The following CBFA2T3 variants were observed in gnomAD, a reference collection of about 807,000 sequenced individuals.
CBFA2T3 encodes CBFA2/RUNX1 partner transcriptional co-repressor 3.
CBFA2T3 carries 31 observed loss-of-function variants against 58.6 expected under a neutral mutation model. The ratio of observed to expected loss-of-function variants is 0.53; its 90% CI spans 0.40 to 0.71. The LOEUF (loss-of-function observed/expected upper bound fraction) is 0.71, where lower values mean the gene tolerates loss of function less well. Among genes scored for constraint, CBFA2T3 ranks in the 30% least tolerant of loss-of-function variants. CBFA2T3 has a pLI of 0.00. For synonymous variants in CBFA2T3, 531 were observed against 421.9 expected, an observed-to-expected ratio of 1.26 and a Z score of -3.17; for missense variants, 1,076 against 963.1, an observed-to-expected ratio of 1.12 and a Z score of -1.55.
At chr16:88,879,180 C>G (rs1160457053) in intron 11 of CBFA2T3, 90 bp downstream of exon 11, 4 of 1,169,128 alleles carry the variant, frequency 3.4e-6, no homozygotes, top group Non-Finnish European at 4.9e-6. Context: ...GCTGATGCCA[C>G]GTGGAGGCTC....
intron 1 of CBFA2T3, among the ~76,000 whole-genome samples, chr16:88,906,683 G>A (rs1470017923): frequency 3.3e-5 from 5 of 152,318 alleles, no homozygotes; most frequent in South Asian, 4.1e-4. Context: ...TCTCAGCACC[G>A]TCTACCCGCT....
chr16:88,879,498 C>A, intron 10 of CBFA2T3, 38 bp from the exon 11 acceptor site: 1 of 1,586,154 alleles, frequency 6.3e-7, no homozygotes. Flanking sequence ...GTCACATGGG[C>A]CATCCCAGAT....
At chr16:88,880,614 C>G in intron 10 of CBFA2T3, 106 bp downstream of exon 10, 1 of 929,554 alleles carries the variant, frequency 1.1e-6, no homozygotes, top group South Asian at 1.5e-5. Flanking sequence ...GTAGCCTGAG[C>G]CCCCAGAGAG....
intron 1 of CBFA2T3, among the ~76,000 whole-genome samples, chr16:88,921,975 G>T (rs1970936655): frequency 6.6e-6 from 1 of 152,234 alleles, no homozygotes; most frequent in Non-Finnish European, 1.5e-5. Flanking sequence ...CAAAGCTGAG[G>T]CCCACACAAG....
At chr16:88,963,161 C>G (rs541375029) in intron 1 of CBFA2T3, among the ~76,000 whole-genome samples, 73 of 151,952 alleles carry the variant, frequency 4.8e-4, no homozygotes, top group African/African-American at 1.7e-3. Context: ...GGCCCAGGGC[C>G]GGAGGGAGAG....
intron 1 of CBFA2T3, among the ~76,000 whole-genome samples, chr16:88,931,246 G>T (rs1218128919): frequency 6.6e-6 from 1 of 152,076 alleles, no homozygotes; most frequent in African/African-American, 2.4e-5. Flanking sequence ...AGGTAGCGGA[G>T]GCACTGCTGT....
intron 3 of CBFA2T3, among the ~76,000 whole-genome samples, chr16:88,895,491 C>A (rs1220568601): frequency 6.6e-6 from 1 of 152,206 alleles, no homozygotes; most frequent in East Asian, 1.9e-4. Context: ...AGACACACAG[C>A]AGGGCAGCCC....
rs780252779 is a variant in CBFA2T3 at position 88,877,083 on chromosome 16, G to A, written c.1855C>T (p.Pro619Ser). Reference sequence around the variant, plus strand: ...CTGGCAGCACCCACAGGCAGGGAGGGGCCCAGGCTGTGGGCGGCTTCGGGC... The same window carrying A: ...CTGGCAGCACCCACAGGCAGGGAGGAGCCCAGGCTGTGGGCGGCTTCGGGC... ...GPPEAAHSLG[P>S]SLPVGAASPS... is the part of the protein sequence containing the mutation. Residue 619 changes from proline to serine, a missense_variant, in exon 12 of 12, where the codon CCC (proline) becomes TCC (serine). Pro to Ser is a moderately conservative substitution (Grantham distance 74). Coordinates refer to ENST00000268679, the MANE Select transcript of CBFA2T3 (RefSeq NM_005187.6). 4.5e-6 allele frequency: 7 copies of A among 1,538,936 alleles called. No homozygotes were observed. Among genetic ancestry groups the A allele is most frequent in the Middle Eastern group, 2.2e-4 (1 of 4,622 alleles).
chr16:88,970,208 C>T (rs764708023), intron 1 of CBFA2T3, among the ~76,000 whole-genome samples: 13 of 152,140 alleles, frequency 8.5e-5, no homozygotes, highest in Non-Finnish European at 1.6e-4. Context: ...GGCCCCAAGC[C>T]GGCAGCCTTG....
intron 1 of CBFA2T3, among the ~76,000 whole-genome samples, chr16:88,959,899 G>A (rs953370947): frequency 6.6e-5 from 10 of 152,082 alleles, no homozygotes; most frequent in Admixed American, 3.9e-4. Flanking sequence ...AGTGACGGGC[G>A]TCTGTAATCC....
intron 1 of CBFA2T3, among the ~76,000 whole-genome samples, chr16:88,961,869 C>T (rs1207832244): frequency 6.8e-6 from 1 of 146,828 alleles, no homozygotes; most frequent in Non-Finnish European, 1.5e-5. Flanking sequence ...TAGTAACCGA[C>T]AGTCAGCGCT....
At chr16:88,926,897 G>C (rs1044165454) in intron 1 of CBFA2T3, among the ~76,000 whole-genome samples, 2 of 152,192 alleles carry the variant, frequency 1.3e-5, no homozygotes, top group Admixed American at 6.5e-5. Flanking sequence ...GGGCAGCCCC[G>C]TCCGGCCCCC....
intron 1 of CBFA2T3, among the ~76,000 whole-genome samples, chr16:88,943,937 T>G (rs1273806949): frequency 6.6e-6 from 1 of 152,026 alleles, no homozygotes; most frequent in Non-Finnish European, 1.5e-5. Flanking sequence ...AGGGCCACAC[T>G]CAGGGCTCGG....
At chr16:88,972,887 C>A (rs1457237642) in intron 1 of CBFA2T3, among the ~76,000 whole-genome samples, 1 of 152,222 alleles carries the variant, frequency 6.6e-6, no homozygotes, top group Non-Finnish European at 1.5e-5. Flanking sequence ...CTCACAGACA[C>A]AGGTCTGACA....
chr16:88,875,263 G>A lies in CBFA2T3; in HGVS notation c.*1713C>T, dbSNP rs1365281935. On this transcript the variant is annotated 3_prime_UTR_variant, in exon 12 of 12. Coordinates refer to ENST00000268679, the MANE Select transcript of CBFA2T3 (RefSeq NM_005187.6). ...GTGCCTGCTGTCTGTCCTTGTACTC[G>A]GTGCAAGCATGAATTTCTTTATCCC... 8.6e-6 allele frequency: 2 copies of A among 233,410 alleles called. No homozygotes were observed. Among genetic ancestry groups the A allele is most frequent in the East Asian group, 1.2e-4 (2 of 16,576 alleles). 14.5% of individuals were successfully genotyped at this position (233,410 alleles called of 1,614,324 possible).
chr16:88,916,483 T>C (rs1019773609), intron 1 of CBFA2T3, among the ~76,000 whole-genome samples: 1 of 152,172 alleles, frequency 6.6e-6, no homozygotes, highest in African/African-American at 2.4e-5. Flanking sequence ...TGTGTATTCC[T>C]GTGTGTATTC....
At chr16:88,915,881 CT>C (rs1970701481) in intron 1 of CBFA2T3, among the ~76,000 whole-genome samples, 1 of 152,026 alleles carries the variant, frequency 6.6e-6, no homozygotes. Flanking sequence ...TCCCTGCCAC[CT>C]TCCCCTCTCA....
intron 11 of CBFA2T3, 23 bp from the exon 12 acceptor site, chr16:88,877,298 G>A (rs1472455271): frequency 2.6e-6 from 4 of 1,530,138 alleles, no homozygotes; most frequent in Non-Finnish European, 3.5e-6. Context: ...AGAGGGGCCA[G>A]TCAGGGCTGG....
At chr16:88,945,629 C>T (rs1026881081) in intron 1 of CBFA2T3, among the ~76,000 whole-genome samples, 10 of 152,298 alleles carry the variant, frequency 6.6e-5, no homozygotes, top group African/African-American at 1.9e-4. Context: ...GGCCACGACA[C>T]GCCTGTTAGA....
Sources: allele counts gnomAD v4.1 joint callset (sites outside exome capture counted in the v4.1 genomes callset), GRCh38; gene constraint gnomAD v4.1.1; transcripts MANE v1.5; gene names NCBI Gene and HGNC (gene_info 2026-07-23, HGNC 2026-07-21).